The following YTHDC1 variants were observed in gnomAD, a reference collection of about 807,000 sequenced individuals.
The protein encoded by YTHDC1 is YTH domain-containing protein 1.
A neutral mutation model predicts 107.0 loss-of-function variants in YTHDC1; 12 were observed. The observed-to-expected ratio is 0.11, with a 90% CI of 0.07 to 0.18. The LOEUF (loss-of-function observed/expected upper bound fraction) is 0.18. YTHDC1 is among the 10% of genes least tolerant of loss of function. The pLI, the probability that YTHDC1 is intolerant of heterozygous loss-of-function variation, is 1.00. For synonymous variants in YTHDC1, 280 were observed against 289.5 expected (o/e 0.97, Z 0.33); for missense variants, 635 against 898.8 (o/e 0.71, Z 3.75).
chr4:68,326,920 G>T (rs1723051833), intron 9 of YTHDC1, among the ~76,000 whole-genome samples: 1 of 151,124 alleles, frequency 6.6e-6, no homozygotes, highest in Non-Finnish European at 1.5e-5. Flanking sequence ...CTGGACAGTG[G>T]TTTGTTGATT....
intron 11 of YTHDC1, among the ~76,000 whole-genome samples, chr4:68,320,811 T>G (rs1357750152): frequency 6.6e-6 from 1 of 152,134 alleles, no homozygotes. Flanking sequence ...TAAAAAACTA[T>G]TTCTTAATAA....
chr4:68,339,607 C>CACAG (rs1724592423), intron 1 of YTHDC1, among the ~76,000 whole-genome samples: 1 of 151,142 alleles, frequency 6.6e-6, no homozygotes, highest in African/African-American at 2.4e-5. Context: ...CATGCACGTA[C>CACAG]ACACACAGAC....
At chr4:68,317,129 C>A (rs757949812) in intron 15 of YTHDC1, among the ~76,000 whole-genome samples, 1 of 152,130 alleles carries the variant, frequency 6.6e-6, no homozygotes, top group African/African-American at 2.4e-5. Flanking sequence ...GAAGCTGAGG[C>A]AGCAGGACCA....
chr4:68,340,319 T>C (rs1560500999), intron 1 of YTHDC1, among the ~76,000 whole-genome samples: 1 of 152,148 alleles, frequency 6.6e-6, no homozygotes, highest in Non-Finnish European at 1.5e-5. Context: ...TTACTATGTC[T>C]GGAATAGCAA....
At chr4:68,329,672 T>G (rs1219319808) in intron 9 of YTHDC1, among the ~76,000 whole-genome samples, 2 of 152,184 alleles carry the variant, frequency 1.3e-5, no homozygotes, top group Non-Finnish European at 2.9e-5. Context: ...CTAAACTAGT[T>G]ACCTCCGAAA....
At chr4:68,324,363 T>C in intron 9 of YTHDC1, 140 bp from the exon 10 acceptor site, 1 of 621,994 alleles carries the variant, frequency 1.6e-6, no homozygotes, top group Non-Finnish European at 2.6e-6. Flanking sequence ...GTTAATTCCC[T>C]ATAGAAAGCC....
At chr4:68,340,556 T>A (rs140807785) in intron 1 of YTHDC1, among the ~76,000 whole-genome samples, 1 of 152,116 alleles carries the variant, frequency 6.6e-6, no homozygotes, top group African/African-American at 2.4e-5. Flanking sequence ...GGACTCTAAA[T>A]TATAAAAAAA....
At chr4:68,346,100 T>TACAC (rs1553908023) in intron 1 of YTHDC1, among the ~76,000 whole-genome samples, 125 of 134,156 alleles carry the variant, frequency 9.3e-4, no homozygotes, top group East Asian at 4.4e-3. Flanking sequence ...TATATATATA[T>TACAC]ACACACACAC....
intron 16 of YTHDC1, among the ~76,000 whole-genome samples, chr4:68,314,864 C>T (rs552584769): frequency 6.6e-6 from 1 of 152,240 alleles, no homozygotes; most frequent in Admixed American, 6.5e-5. Context: ...TAAACTTGGC[C>T]CCTGCTCTAG....
rs1578062394 is a variant in YTHDC1, at chr4:68,337,597, T to G, written c.434A>C (p.Lys145Thr). The G allele has an allele frequency of 6.2e-7, 1 of 1,610,704 alleles. No homozygotes were observed. The highest frequency in any genetic ancestry group is 1.3e-5 in the African/African-American group (1 of 74,436). Residue 145 changes from lysine (K) to threonine (T), a missense_variant, in exon 3 of 17, where the codon AAA (lysine) becomes ACA (threonine). Lys to Thr is a moderately conservative substitution (Grantham distance 78, BLOSUM62 -1). This residue lies in a region of YTHDC1 where 294 missense variants were observed against 312.3 expected (regional missense o/e 0.94). Transcript: ENST00000344157. Reference protein sequence around the residue: ...VRKRDPERRAKSPTPDGSERI... With the variant: ...VRKRDPERRATSPTPDGSERI... ...CTCAGAACCATCTGGCGTAGGAGAT[T>G]TGGCCCTCCTTTCAGGATCCCTTTT...
chr4:68,333,582 C>A (rs1383382387), intron 4 of YTHDC1, among the ~76,000 whole-genome samples, 185 bp from the exon 5 acceptor site: 1 of 152,088 alleles, frequency 6.6e-6, no homozygotes, highest in East Asian at 1.9e-4. Flanking sequence ...AAAGTACGGG[C>A]ATCTTGTTTC....
intron 11 of YTHDC1, among the ~76,000 whole-genome samples, chr4:68,321,759 C>A (rs988384118): frequency 2.0e-5 from 3 of 152,094 alleles, no homozygotes; most frequent in African/African-American, 7.2e-5. Flanking sequence ...GATGTCTCCA[C>A]CAAAAGGAAA....
intron 4 of YTHDC1, among the ~76,000 whole-genome samples, chr4:68,333,927 G>A (rs1441605852): frequency 6.6e-6 from 1 of 152,096 alleles, no homozygotes; most frequent in East Asian, 1.9e-4. Flanking sequence ...GCTTGTTTTT[G>A]TGTCTTCTAT....
chr4:68,338,981 T>C (rs1164275678), intron 1 of YTHDC1, among the ~76,000 whole-genome samples: 1 of 152,236 alleles, frequency 6.6e-6, no homozygotes, highest in Non-Finnish European at 1.5e-5. Flanking sequence ...TTTTACCTCA[T>C]TCTTTAATTT....
intron 1 of YTHDC1, among the ~76,000 whole-genome samples, chr4:68,349,466 T>A (rs1186896818): frequency 6.6e-6 from 1 of 151,960 alleles, no homozygotes; most frequent in Admixed American, 6.6e-5. Flanking sequence ...CCAAGACAGC[T>A]AAACGGAAAG....
chr4:68,333,222 A>T, intron 5 of YTHDC1, 86 bp downstream of exon 5: 1 of 989,578 alleles, frequency 1.0e-6, no homozygotes, highest in Non-Finnish European at 1.5e-6. Context: ...GACATCAACA[A>T]GTTCACACTA....
intron 2 of YTHDC1, 39 bp from the exon 3 acceptor site, chr4:68,337,939 T>C: frequency 6.4e-7 from 1 of 1,571,886 alleles, no homozygotes; most frequent in Non-Finnish European, 8.6e-7. Context: ...AAGAAGTATT[T>C]GTAGTATTCC....
intron 11 of YTHDC1, among the ~76,000 whole-genome samples, chr4:68,320,509 CAA>C (rs559238025): frequency 2.6e-5 from 4 of 152,114 alleles, no homozygotes; most frequent in African/African-American, 9.6e-5. Context: ...CAAAAGTAAA[CAA>C]AGTCATTCTC....
chr4:68,343,968 T>C (rs1725136115), intron 1 of YTHDC1: 1 of 152,206 alleles, frequency 6.6e-6, no homozygotes, highest in South Asian at 2.1e-4. Flanking sequence ...TCTTGAATGC[T>C]GTTTTTAAAA....
Sources: allele counts gnomAD v4.1 joint callset (sites outside exome capture counted in the v4.1 genomes callset), GRCh38; gene constraint gnomAD v4.1.1; regional missense constraint gnomAD v4.1.1; transcripts MANE v1.5; gene names NCBI Gene and HGNC (gene_info 2026-07-23, HGNC 2026-07-21).